Variants in FAM13A observed in about 807,000 individuals in gnomAD.
The protein encoded by FAM13A is family with sequence similarity 13 member A, also known as protein FAM13A.
A neutral mutation model predicts 129.6 loss-of-function variants in FAM13A; 76 were observed. The ratio of observed to expected loss-of-function variants is 0.59; its 90% CI spans 0.49 to 0.71. FAM13A has a LOEUF of 0.71. Ranked by LOEUF, FAM13A falls within the 30% of genes least tolerant of loss-of-function variation. The pLI, the probability that FAM13A is intolerant of heterozygous loss-of-function variation, is 0.00. For synonymous variants in FAM13A, 443 were observed against 449.9 expected, an observed-to-expected ratio of 0.98 and a Z score of 0.20; for missense variants, 1,108 against 1,249.3, an observed-to-expected ratio of 0.89 and a Z score of 1.70.
intron 4 of FAM13A, among the ~76,000 whole-genome samples, chr4:88,959,203 T>C (rs1758241535): frequency 6.6e-6 from 1 of 152,238 alleles, no homozygotes; most frequent in East Asian, 1.9e-4. Context: ...GGGGGAATTA[T>C]TGGGAAGGCA....
At chr4:88,992,008 T>C (rs573736478) in intron 3 of FAM13A, among the ~76,000 whole-genome samples, 1 of 152,298 alleles carries the variant, frequency 6.6e-6, no homozygotes, top group South Asian at 2.1e-4. Flanking sequence ...GCAAGAAACT[T>C]GTTAGGTCTG....
At chr4:88,826,678 G>A (rs1196432042) in intron 7 of FAM13A, among the ~76,000 whole-genome samples, 1 of 152,228 alleles carries the variant, frequency 6.6e-6, no homozygotes, top group South Asian at 2.1e-4. Context: ...ATATAAGCGA[G>A]TGCCTTTGGT....
At chr4:88,836,337 C>A (rs1322190617) in intron 7 of FAM13A, among the ~76,000 whole-genome samples, 1 of 152,152 alleles carries the variant, frequency 6.6e-6, no homozygotes, top group Non-Finnish European at 1.5e-5. Flanking sequence ...CATTTCTAGT[C>A]CTTAAAAGTA....
At chr4:88,873,495 A>C (rs988341977) in intron 6 of FAM13A, among the ~76,000 whole-genome samples, 1 of 152,256 alleles carries the variant, frequency 6.6e-6, no homozygotes, top group Admixed American at 6.5e-5. Flanking sequence ...AACTACCATC[A>C]GAGAATACTA....
At chr4:88,803,587 G>T (rs917833184) in intron 8 of FAM13A, among the ~76,000 whole-genome samples, 4 of 152,044 alleles carry the variant, frequency 2.6e-5, no homozygotes, top group Admixed American at 6.6e-5. Flanking sequence ...ATGAATATCA[G>T]ACTCACTACG....
intron 7 of FAM13A, among the ~76,000 whole-genome samples, chr4:88,809,681 T>G (rs1729259546): frequency 6.6e-6 from 1 of 152,098 alleles, no homozygotes. Context: ...CACATTTTCC[T>G]TTCCTTCCTT....
intron 4 of FAM13A, among the ~76,000 whole-genome samples, chr4:88,950,208 CT>C (rs11364634): frequency 0.69 from 98,204 of 143,302 alleles, 33,258 homozygotes; most frequent in African/African-American, 0.73. Context: ...AAAAATCAGG[CT>C]TTTTTTTTTT....
chr4:88,735,495 T>C (rs988628647), intron 21 of FAM13A, among the ~76,000 whole-genome samples: 3 of 152,318 alleles, frequency 2.0e-5, no homozygotes, highest in South Asian at 2.1e-4. Flanking sequence ...GGGATTCTTA[T>C]GTTGGCTAGG....
intron 5 of FAM13A, among the ~76,000 whole-genome samples, chr4:88,929,571 T>G (rs1752729277): frequency 2.0e-5 from 3 of 152,124 alleles, no homozygotes; most frequent in South Asian, 2.1e-4. Flanking sequence ...CTTGAAGGCT[T>G]TGTTCATCTT....
At chr4:88,932,773 A>G (rs554307885) in intron 5 of FAM13A, among the ~76,000 whole-genome samples, 2 of 152,334 alleles carry the variant, frequency 1.3e-5, no homozygotes, top group East Asian at 1.9e-4. Flanking sequence ...CAAACTTGCC[A>G]TAACATTTAT....
At chr4:88,864,371 T>C (rs1331078559) in intron 6 of FAM13A, among the ~76,000 whole-genome samples, 1 of 152,206 alleles carries the variant, frequency 6.6e-6, no homozygotes, top group Non-Finnish European at 1.5e-5. Context: ...AGTTATTAAA[T>C]CAAGATGATT....
intron 6 of FAM13A, among the ~76,000 whole-genome samples, chr4:88,861,550 C>T (rs181852676): frequency 4.6e-5 from 7 of 152,140 alleles, no homozygotes; most frequent in Admixed American, 2.6e-4. Flanking sequence ...ATCAAACTAT[C>T]CTAGTGGTTT....
chr4:88,852,778 T>C (rs762804980), intron 6 of FAM13A, among the ~76,000 whole-genome samples: 1 of 152,172 alleles, frequency 6.6e-6, no homozygotes, highest in Non-Finnish European at 1.5e-5. Flanking sequence ...ACATTGACTA[T>C]CCCAGAGGAT....
In FAM13A at chr4:88,918,188, T is replaced by A. The variant is rs994716418; in HGVS notation, c.760-11726A>T. 7.2e-5 allele frequency among the ~76,000 whole-genome samples: 11 copies of A among 152,366 alleles called. No homozygotes were observed. The East Asian group carries it at 2.1e-3, about 29-fold the overall frequency. On this transcript the variant is annotated intron_variant, in intron 5 of 23. Coordinates refer to ENST00000264344, the MANE Select transcript of FAM13A (RefSeq NM_014883.4). ...CAAATATTTATTATAGTGTCTTTCA[T>A]ATTGTGGGCACTCGAGAAAATTTTG...
At chr4:88,784,072 T>A (rs1723495189) in intron 10 of FAM13A, among the ~76,000 whole-genome samples, 1 of 152,166 alleles carries the variant, frequency 6.6e-6, no homozygotes, top group African/African-American at 2.4e-5. Context: ...TTTTGAATAG[T>A]GAATGAATGA....
rs1767744685 is a variant in FAM13A at position 89,025,029 on chromosome 4, TAAG to T, written c.218-4363_218-4361del. Among the ~76,000 whole-genome samples the T allele has an allele frequency of 2.6e-5, 4 of 152,244 alleles. No individual in the cohort carries two copies. In the South Asian group the frequency reaches 8.3e-4, roughly 32 times the overall value. On this transcript the variant is annotated intron_variant, in intron 2 of 23. Coordinates refer to ENST00000264344, the MANE Select transcript of FAM13A (RefSeq NM_014883.4). ...TGTTAAAGTATAACTAACAGTATGC[TAAG>T]GAGGGGCAGAAGAAAATCAATCCCT... is the stretch of plus-strand genomic sequence containing the variant.
intron 3 of FAM13A, chr4:89,009,217 A>G (rs1765433883): frequency 6.6e-6 from 1 of 152,240 alleles, no homozygotes; most frequent in Admixed American, 6.5e-5. Context: ...CTTGAACCTT[A>G]AGAGAAATGA....
intron 5 of FAM13A, among the ~76,000 whole-genome samples, chr4:88,919,951 G>A (rs371029298): frequency 1.6e-4 from 25 of 152,320 alleles, no homozygotes; most frequent in Admixed American, 5.9e-4. Flanking sequence ...GATTGCTAGC[G>A]CAGCAGTCTG....
intron 7 of FAM13A, among the ~76,000 whole-genome samples, chr4:88,823,951 TTA>T (rs1732552519): frequency 6.6e-6 from 1 of 152,252 alleles, no homozygotes; most frequent in Non-Finnish European, 1.5e-5. Context: ...GTTTACACAG[TTA>T]TTTTTCTCCA....
Sources: allele counts gnomAD v4.1 joint callset (sites outside exome capture counted in the v4.1 genomes callset), GRCh38; gene constraint gnomAD v4.1.1; transcripts MANE v1.5; gene names NCBI Gene and HGNC (gene_info 2026-07-23, HGNC 2026-07-21).